The following FMN1 variants were observed in gnomAD, a reference collection of about 807,000 sequenced individuals.
FMN1 encodes formin-1.
A neutral mutation model predicts 132.4 loss-of-function variants in FMN1; 110 were observed. The ratio of observed to expected loss-of-function variants is 0.83; its 90% CI spans 0.71 to 0.97. FMN1 has a LOEUF of 0.97. Among genes scored for constraint, FMN1 ranks in the 50% least tolerant of loss-of-function variants. The probability of loss-of-function intolerance (pLI) is 0.00; values close to 1 mark genes in which losing one functional copy is unlikely to be tolerated. For missense variants in FMN1, 1,792 were observed against 1,705.3 expected, an observed-to-expected ratio of 1.05 and a Z score of -0.90; for synonymous variants, 722 against 651.7, an observed-to-expected ratio of 1.11 and a Z score of -1.64.
chr15:33,068,058 T>C, intron 5 of FMN1: 1 of 1,423,442 alleles, frequency 7.0e-7, no homozygotes, highest in Non-Finnish European at 9.1e-7. Flanking sequence ...AGTGCCCTCC[T>C]TCCGGTTTGT....
In FMN1 at chr15:32,847,715, C is replaced by T. The variant is rs561207530; in HGVS notation, c.3928+9300G>A. Reference sequence around the variant, plus strand: ...TAAAAATTACAAAAACTTAGCCAGGCGTAGTGGCGGGCACCTGTAGTCCCA... The same window carrying T: ...TAAAAATTACAAAAACTTAGCCAGGTGTAGTGGCGGGCACCTGTAGTCCCA... On this transcript the variant is annotated intron_variant, in intron 17 of 20. Transcript: ENST00000616417. 1.4e-4 allele frequency among the ~76,000 whole-genome samples: 22 copies of T among 152,206 alleles called. No individual in the cohort carries two copies. The South Asian group carries it at 2.1e-3, about 14-fold the overall frequency.
chr15:32,791,101 T>C (rs979866104), intron 19 of FMN1, among the ~76,000 whole-genome samples: 1 of 152,010 alleles, frequency 6.6e-6, no homozygotes, highest in Non-Finnish European at 1.5e-5. Context: ...GGAAAGAAAG[T>C]GCAGGTGTGA....
chr15:33,010,830 GA>G (rs1338897328), intron 6 of FMN1, among the ~76,000 whole-genome samples: 1 of 148,852 alleles, frequency 6.7e-6, no homozygotes, highest in Non-Finnish European at 1.5e-5. Context: ...AAAATACCCA[GA>G]AAAAACTCAA....
chr15:33,077,365 A>ATG (rs1353809849), intron 5 of FMN1, among the ~76,000 whole-genome samples: 3 of 94,188 alleles, frequency 3.2e-5, no homozygotes, highest in Non-Finnish European at 4.6e-5. Context: ...ATATATATAT[A>ATG]TATATTTTTT....
At chr15:33,102,469 C>T (rs937780934) in intron 4 of FMN1, among the ~76,000 whole-genome samples, 1 of 152,022 alleles carries the variant, frequency 6.6e-6, no homozygotes, top group Non-Finnish European at 1.5e-5. Flanking sequence ...AAGGTGAACC[C>T]AGTCTTAAGT....
intron 6 of FMN1, among the ~76,000 whole-genome samples, chr15:33,031,970 CT>C (rs2035957414): frequency 8.8e-6 from 1 of 113,804 alleles, no homozygotes; most frequent in African/African-American, 3.4e-5. Context: ...CCGATGTTGT[CT>C]AAAAATCAAT....
At chr15:32,808,677 C>T (rs192411690) in intron 17 of FMN1, among the ~76,000 whole-genome samples, 9 of 152,298 alleles carry the variant, frequency 5.9e-5, no homozygotes, top group South Asian at 2.1e-4. Flanking sequence ...ATATACTGAA[C>T]GTGTGAGATT....
intron 7 of FMN1, among the ~76,000 whole-genome samples, chr15:32,986,712 G>A (rs2033092470): frequency 6.6e-6 from 1 of 152,060 alleles, no homozygotes; most frequent in African/African-American, 2.4e-5. Flanking sequence ...GATGAAGACA[G>A]AATAACTTGG....
chr15:32,947,220 T>C (rs2061528969), intron 9 of FMN1, among the ~76,000 whole-genome samples: 1 of 152,082 alleles, frequency 6.6e-6, no homozygotes, highest in Non-Finnish European at 1.5e-5. Flanking sequence ...AGGGATCCAT[T>C]TTCCTTTTTT....
At chr15:32,839,051 A>C (rs1268193127) in intron 17 of FMN1, among the ~76,000 whole-genome samples, 1 of 152,114 alleles carries the variant, frequency 6.6e-6, no homozygotes, top group Non-Finnish European at 1.5e-5. Flanking sequence ...ATTTCCCTTG[A>C]AACGGGACCA....
rs1243666399 is a variant in FMN1 at position 32,949,964 on chromosome 15, T to TATATACACATATATATAC, written c.3138+14142_3138+14143insGTATATATATGTGTATAT. On this transcript the variant is annotated intron_variant, in intron 9 of 20. Transcript: ENST00000616417. ...GCATATATATATATATATATATATA[T>TATATACACATATATATAC]ACACACATATATATACACACACATA... Among the ~76,000 whole-genome samples, 9 of 33,616 alleles carry TATATACACATATATATAC rather than the reference T, an allele frequency of 2.7e-4. 1 individual carries two copies. The highest frequency in any genetic ancestry group is 1.3e-3 in the African/African-American group (9 of 6,926). The allele number at this position is 33,616 out of a possible 152,430, so 22.1% of individuals were successfully genotyped here.
At chr15:32,886,411 G>A (rs1596179905) in intron 16 of FMN1, among the ~76,000 whole-genome samples, 3 of 152,104 alleles carry the variant, frequency 2.0e-5, no homozygotes, top group Admixed American at 2.0e-4. Context: ...TCCTAAAATC[G>A]GCTGAGGAAA....
At position 32,772,399 on chromosome 15, in the gene FMN1, C is replaced by G. The variant is rs2056277316; in HGVS notation, c.*1911G>C. 1 of 152,176 alleles carries G rather than the reference C, an allele frequency of 6.6e-6. No individual in the cohort carries two copies. The highest frequency in any genetic ancestry group is 2.4e-5 in the African/African-American group (1 of 41,440). 9.4% of individuals were successfully genotyped at this position (152,176 alleles called of 1,614,324 possible). On this transcript the variant is annotated 3_prime_UTR_variant, in exon 21 of 21. Coordinates refer to ENST00000616417, the MANE Select transcript of FMN1 (RefSeq NM_001277313.2). ...TTATATGGCATGGGTAAAACTGGCA[C>G]TTTTCTTGTGCATGATAACACTAGA...
At chr15:32,955,471 A>G (rs1370758206) in intron 9 of FMN1, among the ~76,000 whole-genome samples, 1 of 152,136 alleles carries the variant, frequency 6.6e-6, no homozygotes, top group Non-Finnish European at 1.5e-5. Context: ...CTAGCTTGGA[A>G]CTGAAGGCCA....
Position 32,774,236 on chromosome 15 carries a change from C to T in FMN1, c.*74G>A. On this transcript the variant is annotated 3_prime_UTR_variant, in exon 21 of 21. Coordinates refer to ENST00000616417, the MANE Select transcript of FMN1 (RefSeq NM_001277313.2). ...TGACACATCTTTCAAGAACGTCCTG[C>T]AACCCTGTGGTCACAAAGAGTATGC... is the stretch of plus-strand genomic sequence containing the variant. The T allele has an allele frequency of 8.6e-7, 1 of 1,169,326 alleles. No individual in the cohort carries two copies. 72.4% of individuals were successfully genotyped at this position (1,169,326 alleles called of 1,614,324 possible).
At chr15:33,120,802 T>C (rs1159036392) in intron 4 of FMN1, among the ~76,000 whole-genome samples, 1 of 152,192 alleles carries the variant, frequency 6.6e-6, no homozygotes, top group East Asian at 1.9e-4. Flanking sequence ...CCTATGAACA[T>C]TCTTGCATGT....
intron 9 of FMN1, among the ~76,000 whole-genome samples, chr15:32,950,647 A>T (rs185288503): frequency 5.8e-4 from 89 of 152,296 alleles, no homozygotes; most frequent in African/African-American, 2.0e-3. Context: ...ATGAGAACAC[A>T]TGGACACACA....
At chr15:32,776,962 A>G (rs769088866) in intron 19 of FMN1, 43 bp from the exon 20 acceptor site, 2 of 1,196,558 alleles carry the variant, frequency 1.7e-6, no homozygotes, top group African/African-American at 3.0e-5. Flanking sequence ...GAGGGAAAAG[A>G]AAGGAAGAGG....
intron 3 of FMN1, among the ~76,000 whole-genome samples, chr15:33,160,499 T>C (rs1047516193): frequency 1.3e-5 from 2 of 152,144 alleles, no homozygotes; most frequent in Admixed American, 1.3e-4. Flanking sequence ...CAGTATGGAA[T>C]CATCACACAT....
Sources: gnomAD v4.1 joint callset for allele counts (sites outside exome capture counted in the v4.1 genomes callset) on GRCh38, gnomAD v4.1.1 for gene constraint, MANE v1.5 for transcripts, NCBI Gene and HGNC (gene_info 2026-07-23, HGNC 2026-07-21) for gene names.